The following GFRA1 variants were observed in gnomAD, a reference collection of about 807,000 sequenced individuals.
GFRA1 encodes GDNF family receptor alpha-1.
In GFRA1, 16 loss-of-function variants were observed where a neutral mutation model predicts 51.6. The ratio of observed to expected loss-of-function variants is 0.31; its 90% CI spans 0.21 to 0.47. The LOEUF (loss-of-function observed/expected upper bound fraction) is 0.47. Ranked by LOEUF, GFRA1 falls within the 20% of genes least tolerant of loss-of-function variation. The pLI is 1.00. For missense variants in GFRA1, 530 were observed against 594.3 expected, an observed-to-expected ratio of 0.89 and a Z score of 1.13; for synonymous variants, 270 against 241.3, an observed-to-expected ratio of 1.12 and a Z score of -1.10.
chr10:116,186,548 C>A (rs940275666), intron 5 of GFRA1, among the ~76,000 whole-genome samples: 2 of 134,378 alleles, frequency 1.5e-5, no homozygotes, highest in African/African-American at 2.9e-5. Flanking sequence ...TCTTTATCTG[C>A]ATAAGGCAGA....
chr10:116,094,942 T>TA (rs1956511294), intron 7 of GFRA1, among the ~76,000 whole-genome samples: 2 of 152,142 alleles, frequency 1.3e-5, no homozygotes, highest in South Asian at 4.1e-4. Flanking sequence ...ATGGAAGAAG[T>TA]AGGAATAAGC....
At chr10:116,161,486 A>G (rs1489297147) in intron 5 of GFRA1, among the ~76,000 whole-genome samples, 1 of 152,192 alleles carries the variant, frequency 6.6e-6, no homozygotes, top group East Asian at 1.9e-4. Context: ...ATGAAAATGT[A>G]TACCCTATTG....
At chr10:116,148,093 C>CAT (rs1555158856) in intron 5 of GFRA1, among the ~76,000 whole-genome samples, 8 of 95,370 alleles carry the variant, frequency 8.4e-5, no homozygotes, top group East Asian at 3.2e-4. Context: ...TGTGTGCATG[C>CAT]GTGTGTGCAT....
At chr10:116,181,892 C>T (rs376016475) in intron 5 of GFRA1, among the ~76,000 whole-genome samples, 12 of 152,312 alleles carry the variant, frequency 7.9e-5, no homozygotes, top group Non-Finnish European at 7.3e-5. Context: ...ATCCACCCGC[C>T]TCGGCCTCCC....
chr10:116,234,939 T>C (rs1966850421), intron 4 of GFRA1, among the ~76,000 whole-genome samples: 2 of 152,308 alleles, frequency 1.3e-5, no homozygotes, highest in South Asian at 2.1e-4. Flanking sequence ...AGAGGCTTTT[T>C]CCCCTTTTGT....
intron 5 of GFRA1, among the ~76,000 whole-genome samples, chr10:116,186,302 T>C (rs1000897399): frequency 2.0e-5 from 3 of 152,164 alleles, no homozygotes; most frequent in African/African-American, 7.2e-5. Flanking sequence ...GTTTCACCAA[T>C]GGTGAAATGT....
intron 5 of GFRA1, among the ~76,000 whole-genome samples, chr10:116,156,138 G>A (rs182018030): frequency 6.6e-6 from 1 of 152,322 alleles, no homozygotes; most frequent in African/African-American, 2.4e-5. Flanking sequence ...GCAGGGAACA[G>A]AGCCATCACT....
At chr10:116,251,481 C>T (rs775800198) in intron 4 of GFRA1, among the ~76,000 whole-genome samples, 1 of 152,106 alleles carries the variant, frequency 6.6e-6, no homozygotes. Flanking sequence ...TGTGAGGTTG[C>T]CAGGTTAGAA....
chr10:116,196,156 T>C (rs1045174658), intron 5 of GFRA1, among the ~76,000 whole-genome samples: 14 of 148,866 alleles, frequency 9.4e-5, no homozygotes, highest in Admixed American at 2.7e-4. Context: ...ATTTGCTTAA[T>C]AGGACTATTG....
In GFRA1 at chr10:116,236,316, AAAC is replaced by A. The variant is rs759578545; in HGVS notation, c.419-24674_419-24672del. ...CCTCTGCCAGGAACCACAGAACTGGAAACAACAACCCCCTTTCAGCAGAGAAAG... is the reference window on the plus strand; with the variant it reads ...CCTCTGCCAGGAACCACAGAACTGGAAACAACCCCCTTTCAGCAGAGAAAG... On this transcript the variant is annotated intron_variant, in intron 4 of 10. Coordinates refer to ENST00000355422, the MANE Select transcript of GFRA1 (RefSeq NM_005264.8). Among the ~76,000 whole-genome samples the A allele has an allele frequency of 2.0e-5, 3 of 152,280 alleles. No individual in the cohort carries two copies. In the East Asian group the frequency reaches 5.8e-4, roughly 29 times the overall value.
Position 116,060,771 on chromosome 10 carries a change from C to T in GFRA1, c.*3627G>A, listed in dbSNP as rs1248543577. The T allele has an allele frequency of 1.7e-4, 26 of 152,056 alleles. No individual in the cohort carries two copies. Among genetic ancestry groups the T allele is most frequent in the Admixed American group, 1.3e-3 (20 of 15,272 alleles). The allele number at this position is 152,056 out of a possible 1,614,324, so 9.4% of individuals were successfully genotyped here. ...AACACGTGAATTCATTTAAGCAGCC[C>T]TTTTCTGGTCCACAGTTTATTGATT... On this transcript the variant is annotated 3_prime_UTR_variant, in exon 11 of 11. Transcript: ENST00000355422.
chr10:116,202,931 C>A (rs1964452792), intron 5 of GFRA1, among the ~76,000 whole-genome samples: 1 of 152,116 alleles, frequency 6.6e-6, no homozygotes, highest in Admixed American at 6.5e-5. Flanking sequence ...TAAAAGAACT[C>A]CAGGTAGAGG....
chr10:116,151,296 C>G (rs1400562853), intron 5 of GFRA1, among the ~76,000 whole-genome samples: 1 of 152,142 alleles, frequency 6.6e-6, no homozygotes, highest in African/African-American at 2.4e-5. Context: ...TAGCCACAAT[C>G]AAGAAACCAG....
At chr10:116,197,319 C>A (rs192206717) in intron 5 of GFRA1, among the ~76,000 whole-genome samples, 52 of 152,252 alleles carry the variant, frequency 3.4e-4, no homozygotes, top group African/African-American at 1.1e-3. Flanking sequence ...GAAGGTGCCA[C>A]CTCTGAACCA....
Position 116,183,060 on chromosome 10 carries a change from G to A in GFRA1, c.433+28571C>T, listed in dbSNP as rs138115481. The stretch of plus-strand genomic sequence containing the variant: ...TTTGCCCTCTTCATTTCTCTTTGCC[G>A]CCTTGATGTTTCCCAAGTCTTGAGT... On this transcript the variant is annotated intron_variant, in intron 5 of 10. Coordinates refer to ENST00000355422, the MANE Select transcript of GFRA1 (RefSeq NM_005264.8). Among the ~76,000 whole-genome samples the A allele has an allele frequency of 9.8e-3, 1,490 of 152,274 alleles. 21 individuals are homozygous for A. The highest frequency in any genetic ancestry group is 0.035 in the African/African-American group (1,434 of 41,532).
intron 5 of GFRA1, among the ~76,000 whole-genome samples, chr10:116,131,602 C>T (rs1318605082): frequency 6.6e-6 from 1 of 152,066 alleles, no homozygotes; most frequent in East Asian, 1.9e-4. Context: ...ACTGTTGATA[C>T]ACAAAATAGC....
At chr10:116,093,308 A>G (rs1442119861) in intron 8 of GFRA1, among the ~76,000 whole-genome samples, 1 of 152,232 alleles carries the variant, frequency 6.6e-6, no homozygotes, top group Non-Finnish European at 1.5e-5. Context: ...TATTCCGCCC[A>G]GGTTTCAAGA....
chr10:116,267,133 C>T (rs1969721174), intron 4 of GFRA1, among the ~76,000 whole-genome samples: 1 of 151,414 alleles, frequency 6.6e-6, no homozygotes, highest in South Asian at 2.1e-4. Context: ...AGATCAAGAC[C>T]CTGTCTCTAA....
At chr10:116,215,511 T>C (rs1965500466) in intron 4 of GFRA1, among the ~76,000 whole-genome samples, 1 of 152,190 alleles carries the variant, frequency 6.6e-6, no homozygotes, top group South Asian at 2.1e-4. Flanking sequence ...TGAGCTTGAA[T>C]TTCCTTGTTG....
Sources: allele counts gnomAD v4.1 joint callset (sites outside exome capture counted in the v4.1 genomes callset), GRCh38; gene constraint gnomAD v4.1.1; transcripts MANE v1.5; gene names NCBI Gene and HGNC (gene_info 2026-07-23, HGNC 2026-07-21).